TPRG1: variants seen among roughly 807,000 people sequenced by gnomAD.
TPRG1 encodes tumor protein p63 regulated 1, also known as tumor protein p63-regulated gene 1 protein.
Under a neutral mutation model 29.3 loss-of-function variants are expected in TPRG1, and 29 were observed. That is an observed-to-expected ratio of 0.99 (90% CI 0.74 to 1.35). The LOEUF (loss-of-function observed/expected upper bound fraction) is 1.35, where lower values mean the gene tolerates loss of function less well. Among genes scored for constraint, TPRG1 ranks in the 40% most tolerant of loss-of-function variants. TPRG1 has a pLI of 0.00. For synonymous variants in TPRG1, 130 were observed against 116.8 expected, an observed-to-expected ratio of 1.11 and a Z score of -0.73; for missense variants, 327 against 335.0, an observed-to-expected ratio of 0.98 and a Z score of 0.19.
intron 1 of TPRG1, among the ~76,000 whole-genome samples, chr3:189,181,466 A>C (rs565048014): frequency 2.2e-4 from 33 of 152,272 alleles, no homozygotes; most frequent in South Asian, 8.3e-4. Context: ...GGTACTCTAA[A>C]TCATCTCTCT....
rs149177739 is a variant in TPRG1, at chr3:189,231,265, C to CATATATATATATATATAT, written c.303-7465_303-7448dup. On this transcript the variant is annotated intron_variant, in intron 3 of 5. Coordinates refer to ENST00000345063, the MANE Select transcript of TPRG1 (RefSeq NM_198485.4). Reference sequence around the variant, plus strand: ...CTCTCTCATACAAACACCTATAAAACATATATATATATATATATATGCACA... The same window carrying CATATATATATATATATAT: ...CTCTCTCATACAAACACCTATAAAACATATATATATATATATATATATATATATATATATATATGCACA... 2.5e-3 allele frequency among the ~76,000 whole-genome samples: 365 copies of CATATATATATATATATAT among 144,240 alleles called. 3 individuals carry two copies. Among genetic ancestry groups the CATATATATATATATATAT allele is most frequent in the African/African-American group, 7.8e-3 (304 of 38,896 alleles). The allele number at this position is 144,240 out of a possible 152,430, so 94.6% of individuals were successfully genotyped here.
chr3:189,241,011 G>A (rs1364326761), intron 4 of TPRG1, among the ~76,000 whole-genome samples: 1 of 152,136 alleles, frequency 6.6e-6, no homozygotes, highest in African/African-American at 2.4e-5. Flanking sequence ...CCTCATTGAT[G>A]TATATCTATT....
At chr3:189,069,326 T>G (rs1716666447) in intron 4 of TPRG1, among the ~76,000 whole-genome samples, 1 of 152,130 alleles carries the variant, frequency 6.6e-6, no homozygotes, top group African/African-American at 2.4e-5. Flanking sequence ...GAGAACAGGT[T>G]AATGGTTACC....
upstream of TPRG1, among the ~76,000 whole-genome samples, chr3:189,169,325 C>T (rs755828975): frequency 2.6e-5 from 4 of 152,094 alleles, no homozygotes; most frequent in African/African-American, 7.2e-5. Context: ...CCACTGCGCC[C>T]GGCTAATTTT....
intron 4 of TPRG1, among the ~76,000 whole-genome samples, chr3:189,247,057 AT>A (rs1741477293): frequency 6.6e-6 from 1 of 151,374 alleles, no homozygotes; most frequent in African/African-American, 2.4e-5. Context: ...TTTTTATTTC[AT>A]TTTTTCTTTC....
intron 4 of TPRG1, among the ~76,000 whole-genome samples, chr3:189,256,725 C>G (rs1260805544): frequency 6.6e-6 from 1 of 152,140 alleles, no homozygotes; most frequent in Admixed American, 6.5e-5. Context: ...ATAGTTAGCT[C>G]TTCTTGTTGC....
At chr3:189,285,720 T>C (rs1576960617) in intron 4 of TPRG1, among the ~76,000 whole-genome samples, 1 of 152,278 alleles carries the variant, frequency 6.6e-6, no homozygotes, top group African/African-American at 2.4e-5. Flanking sequence ...TATCTGAGAA[T>C]CAAAAAGGCT....
intron 4 of TPRG1, among the ~76,000 whole-genome samples, chr3:189,067,309 G>GA (rs1422843473): frequency 1.3e-5 from 2 of 152,012 alleles, no homozygotes; most frequent in African/African-American, 4.8e-5. Flanking sequence ...TTCAGAAATA[G>GA]AAAAAATAAT....
At chr3:189,052,962 A>C (rs1715425159) in intron 4 of TPRG1, among the ~76,000 whole-genome samples, 1 of 152,214 alleles carries the variant, frequency 6.6e-6, no homozygotes, top group Admixed American at 6.5e-5. Flanking sequence ...GAGTGATAAA[A>C]GACTACAAAT....
Position 189,076,319 on chromosome 3 carries a change from A to G in TPRG1, c.-462-50738A>G, listed in dbSNP as rs1717167401. Reference sequence around the variant, plus strand: ...ACACTGGGCTGTAAGTAAAATTACCAGAGTTTGGTTCCTGGCTTGGAAATT... The same window carrying G: ...ACACTGGGCTGTAAGTAAAATTACCGGAGTTTGGTTCCTGGCTTGGAAATT... On this transcript the variant is annotated intron_variant, in intron 4 of 10. Transcript: ENST00000433971. Among the ~76,000 whole-genome samples the G allele has an allele frequency of 3.3e-5, 5 of 152,330 alleles. No individual in the cohort carries two copies. The South Asian group carries it at 6.2e-4, about 19-fold the overall frequency.
At chr3:189,255,070 G>T (rs1311539208) in intron 4 of TPRG1, among the ~76,000 whole-genome samples, 2 of 152,154 alleles carry the variant, frequency 1.3e-5, no homozygotes, top group African/African-American at 2.4e-5. Context: ...TTGAATAGGA[G>T]TGGTGAGAGA....
At chr3:189,086,841 C>A (rs912360584) in intron 4 of TPRG1, among the ~76,000 whole-genome samples, 1 of 152,180 alleles carries the variant, frequency 6.6e-6, no homozygotes, top group African/African-American at 2.4e-5. Context: ...ATGAAGTCAT[C>A]CTTTTTATGG....
At chr3:189,108,941 T>C (rs1216719707) in intron 1 of TPRG1, among the ~76,000 whole-genome samples, 1 of 152,056 alleles carries the variant, frequency 6.6e-6, no homozygotes, top group Non-Finnish European at 1.5e-5. Flanking sequence ...CTTGATTGCC[T>C]CAGGGGAGGC....
chr3:189,134,600 A>G (rs2108543882), intron 3 of TPRG1, among the ~76,000 whole-genome samples: 1 of 151,012 alleles, frequency 6.6e-6, no homozygotes, highest in East Asian at 1.9e-4. Flanking sequence ...AAAATTTTGT[A>G]GAGTTGGGGT....
At chr3:189,138,402 A>G (rs926475731) in intron 3 of TPRG1, among the ~76,000 whole-genome samples, 6 of 151,692 alleles carry the variant, frequency 4.0e-5, no homozygotes, top group Admixed American at 6.6e-5. Flanking sequence ...CAACCAACAA[A>G]TACCAGCGGA....
At chr3:189,237,328 G>C (rs1332782572) in intron 3 of TPRG1, among the ~76,000 whole-genome samples, 1 of 151,912 alleles carries the variant, frequency 6.6e-6, no homozygotes, top group Non-Finnish European at 1.5e-5. Context: ...CACACACAGG[G>C]TTGGTGCTCA....
intron 5 of TPRG1, among the ~76,000 whole-genome samples, chr3:189,156,357 A>ATT (rs1560496354): frequency 5.1e-4 from 73 of 144,410 alleles, no homozygotes; most frequent in African/African-American, 1.7e-3. Flanking sequence ...ACTATAAGTA[A>ATT]AAAAAAAAAA....
intron 4 of TPRG1, among the ~76,000 whole-genome samples, chr3:189,260,414 T>G (rs1180236083): frequency 1.3e-5 from 2 of 152,234 alleles, no homozygotes; most frequent in Non-Finnish European, 2.9e-5. Context: ...TAATTTTTCT[T>G]TGTATTGAAT....
intron 1 of TPRG1, chr3:189,190,845 C>T (rs1731583750): frequency 2.7e-6 from 1 of 365,040 alleles, no homozygotes; most frequent in African/African-American, 2.2e-5. Flanking sequence ...TTCCCTGATC[C>T]ATATTCCTAC....
Sources: allele counts gnomAD v4.1 joint callset (sites outside exome capture counted in the v4.1 genomes callset), GRCh38; gene constraint gnomAD v4.1.1; transcripts MANE v1.5; gene names NCBI Gene and HGNC (gene_info 2026-07-23, HGNC 2026-07-21).